The following TMEM120B variants were observed in gnomAD, a reference collection of about 807,000 sequenced individuals.
The protein encoded by TMEM120B is transmembrane protein 120B.
In TMEM120B, 31 loss-of-function variants were observed where a neutral mutation model predicts 55.5. That is an observed-to-expected ratio of 0.56 (90% CI 0.42 to 0.75). The LOEUF (loss-of-function observed/expected upper bound fraction) is 0.75, where lower values mean the gene tolerates loss of function less well. Ranked by LOEUF, TMEM120B falls within the 30% of genes least tolerant of loss-of-function variation. TMEM120B has a pLI of 0.00. For synonymous variants in TMEM120B, 203 were observed against 176.3 expected (o/e 1.15, Z -1.20); for missense variants, 399 against 425.5 (o/e 0.94, Z 0.55).
chr12:121,764,548 G>C (rs1281731277), intron 6 of TMEM120B, among the ~76,000 whole-genome samples: 1 of 151,942 alleles, frequency 6.6e-6, no homozygotes, highest in Non-Finnish European at 1.5e-5. Flanking sequence ...GCATGGTGGT[G>C]TACACCTGTA....
intron 1 of TMEM120B, among the ~76,000 whole-genome samples, chr12:121,730,864 A>G (rs1210060511): frequency 6.6e-6 from 1 of 151,592 alleles, no homozygotes; most frequent in Non-Finnish European, 1.5e-5. Flanking sequence ...AGGCTGAGGC[A>G]GGAGAATCAC....
intron 1 of TMEM120B, among the ~76,000 whole-genome samples, chr12:121,730,726 G>A (rs1894985108): frequency 6.6e-6 from 1 of 151,400 alleles, no homozygotes; most frequent in African/African-American, 2.4e-5. Context: ...GGGAGGCTGA[G>A]GCGGGTGGAT....
chr12:121,781,571 A>G lies in TMEM120B; in HGVS notation c.*5849A>G, dbSNP rs1284859267. 4 of 229,790 alleles carry G rather than the reference A, an allele frequency of 1.7e-5. No individual in the cohort carries two copies. The highest frequency in any genetic ancestry group is 4.5e-5 in the African/African-American group (2 of 44,120). The allele number at this position is 229,790 out of a possible 1,614,324, so 14.2% of individuals were successfully genotyped here. On this transcript the variant is annotated 3_prime_UTR_variant, in exon 12 of 12. Transcript: ENST00000449592. The stretch of plus-strand genomic sequence containing the variant: ...AGTGCTGAGAGCTTGGCCTGATTCT[A>G]GGGCTGGGGCTGGAGAAACTGCTAG...
chr12:121,764,646 C>A (rs1400310136), intron 6 of TMEM120B, among the ~76,000 whole-genome samples: 7 of 151,864 alleles, frequency 4.6e-5, no homozygotes, highest in African/African-American at 9.7e-5. Flanking sequence ...CAAGTGAGAC[C>A]CTGACTCAAA....
chr12:121,781,237 T>A lies in TMEM120B; in HGVS notation c.*5515T>A. The A allele has an allele frequency of 6.4e-7, 1 of 1,560,472 alleles. No individual in the cohort carries two copies. Among genetic ancestry groups the A allele is most frequent in the Non-Finnish European group, 8.8e-7 (1 of 1,133,284 alleles). On this transcript the variant is annotated 3_prime_UTR_variant, in exon 12 of 12. Coordinates refer to ENST00000449592, the MANE Select transcript of TMEM120B (RefSeq NM_001080825.2). The stretch of plus-strand genomic sequence containing the variant: ...GGGGTCAGGGGACGTCCCCTCCCTG[T>A]CTGGACTCTGACGGGTGAAGGGGAA...
At chr12:121,758,687 C>T in intron 5 of TMEM120B, 1 of 975,092 alleles carries the variant, frequency 1.0e-6, no homozygotes, top group Non-Finnish European at 1.2e-6. Flanking sequence ...TGGCCTAGCT[C>T]CACGCTGTGG....
intron 10 of TMEM120B, 69 bp downstream of exon 10, chr12:121,774,791 C>A: frequency 1.3e-6 from 2 of 1,532,392 alleles, no homozygotes; most frequent in Admixed American, 1.8e-5. Context: ...GGTCTTCAGG[C>A]CTTGCCCTCC....
At chr12:121,737,883 G>A (rs546869592) in intron 1 of TMEM120B, among the ~76,000 whole-genome samples, 13 of 151,672 alleles carry the variant, frequency 8.6e-5, no homozygotes, top group African/African-American at 2.4e-4. Flanking sequence ...GGTGGTGCAC[G>A]CCTGTAGTCC....
chr12:121,744,046 GTCTC>G (rs1341097303), intron 2 of TMEM120B, among the ~76,000 whole-genome samples: 4 of 150,160 alleles, frequency 2.7e-5, no homozygotes, highest in Non-Finnish European at 5.9e-5. Flanking sequence ...GAAGGAGAGT[GTCTC>G]TCTTTTTTTT....
At position 121,712,803 on chromosome 12, in the gene TMEM120B, G is replaced by T. The variant is rs971440493; in HGVS notation, c.-93G>T. On this transcript the variant is annotated 5_prime_UTR_variant, in exon 1 of 12. Coordinates refer to ENST00000449592, the MANE Select transcript of TMEM120B (RefSeq NM_001080825.2). ...AGGAACAGCTGGTGCCTCCGAGGGC[G>T]GTCGGCGAGCGCGCGGGCGTGGGGC... 3.2e-6 allele frequency: 3 copies of T among 943,568 alleles called. No individual in the cohort carries two copies. The highest frequency in any genetic ancestry group is 3.5e-5 in the African/African-American group (2 of 57,084). 58.4% of individuals were successfully genotyped at this position (943,568 alleles called of 1,614,324 possible). A position where few individuals can be genotyped will look rare whatever the true frequency, so the allele number is the denominator to read the frequency against.
intron 1 of TMEM120B, among the ~76,000 whole-genome samples, chr12:121,716,504 G>A (rs1894705616): frequency 6.6e-6 from 1 of 150,960 alleles, no homozygotes; most frequent in Non-Finnish European, 1.5e-5. Context: ...TGATTCTGGG[G>A]TGATGTGTAA....
intron 1 of TMEM120B, among the ~76,000 whole-genome samples, chr12:121,736,899 T>C (rs986738236): frequency 6.6e-6 from 1 of 152,048 alleles, no homozygotes; most frequent in Admixed American, 6.6e-5. Context: ...CAGATTTGTC[T>C]TAGTTGGGGC....
At chr12:121,738,864 C>A (rs1223568299) in intron 1 of TMEM120B, among the ~76,000 whole-genome samples, 1 of 152,178 alleles carries the variant, frequency 6.6e-6, no homozygotes, top group Non-Finnish European at 1.5e-5. Flanking sequence ...GGGGGACATT[C>A]TTCCAGACAA....
chr12:121,780,789 C>T lies in TMEM120B; in HGVS notation c.*5067C>T, dbSNP rs746517555. 9 of 1,492,004 alleles carry T rather than the reference C, an allele frequency of 6.0e-6. 1 individual carries two copies. The South Asian group carries it at 1.0e-4, about 17-fold the overall frequency. The allele number at this position is 1,492,004 out of a possible 1,614,324, so 92.4% of individuals were successfully genotyped here. The stretch of plus-strand genomic sequence containing the variant: ...CTTCCCTCAGCTCCCTGAAAGGCCA[C>T]TAAGGCACCCCAGTTGCAGAGGCCA... On this transcript the variant is annotated 3_prime_UTR_variant, in exon 12 of 12. Coordinates refer to ENST00000449592, the MANE Select transcript of TMEM120B (RefSeq NM_001080825.2).
intron 1 of TMEM120B, among the ~76,000 whole-genome samples, chr12:121,737,585 A>G (rs375839583): frequency 1.3e-5 from 2 of 151,998 alleles, no homozygotes; most frequent in Non-Finnish European, 2.9e-5. Flanking sequence ...GGGGAGGGGC[A>G]ATGGCCTCTG....
rs772870220 is a variant in TMEM120B at position 121,742,298 on chromosome 12, C to T, written c.70-1331C>T. ...GATTACAGACGTGAGCCACCGTGCC[C>T]GGCCTGACTTAATTTTCATACCTAG... On this transcript the variant is annotated intron_variant, in intron 1 of 11. Transcript: ENST00000449592. 2.6e-5 allele frequency among the ~76,000 whole-genome samples: 4 copies of T among 151,126 alleles called. No homozygotes were observed. In the South Asian group the frequency reaches 6.2e-4, roughly 24 times the overall value.
chr12:121,722,086 C>T (rs2136986788), intron 1 of TMEM120B, among the ~76,000 whole-genome samples: 1 of 147,464 alleles, frequency 6.8e-6, no homozygotes, highest in East Asian at 2.0e-4. Context: ...TAGGCGTGAG[C>T]CACCACACCT....
intron 1 of TMEM120B, among the ~76,000 whole-genome samples, chr12:121,713,261 A>C (rs1894635016): frequency 6.6e-6 from 1 of 152,110 alleles, no homozygotes; most frequent in Admixed American, 6.5e-5. Context: ...GGCAAGTTCC[A>C]GGCGTGTTCA....
In TMEM120B at chr12:121,779,811, A is replaced by G; in HGVS notation, c.*4089A>G. ...GTCTCCTCCATCCTGGCTGCCCCTC[A>G]CAGTGTGTGGGTGGAATGGAGGGCC... On this transcript the variant is annotated 3_prime_UTR_variant, in exon 12 of 12. Transcript: ENST00000449592. 1 of 811,232 alleles carries G rather than the reference A, an allele frequency of 1.2e-6. No individual in the cohort carries two copies. Among genetic ancestry groups the G allele is most frequent in the South Asian group, 1.7e-5 (1 of 58,858 alleles). The allele number at this position is 811,232 out of a possible 1,614,324, so 50.3% of individuals were successfully genotyped here. A position where few individuals can be genotyped will look rare whatever the true frequency, so the allele number is the denominator to read the frequency against.
Sources: allele counts gnomAD v4.1 joint callset (sites outside exome capture counted in the v4.1 genomes callset), GRCh38; gene constraint gnomAD v4.1.1; transcripts MANE v1.5; gene names NCBI Gene and HGNC (gene_info 2026-07-23, HGNC 2026-07-21).